DCBLD1: variants seen among roughly 807,000 people sequenced by gnomAD.
DCBLD1 encodes the protein discoidin, CUB and LCCL domain containing 1, also known as discoidin, CUB and LCCL domain-containing protein 1.
In DCBLD1, 57 loss-of-function variants were observed where a neutral mutation model predicts 71.5. That is an observed-to-expected ratio of 0.80 (90% CI 0.64 to 0.99). The LOEUF (loss-of-function observed/expected upper bound fraction) is 0.99. DCBLD1 is among the 50% of genes least tolerant of loss of function. DCBLD1 has a pLI of 0.00. For missense variants in DCBLD1, 891 were observed against 923.5 expected (o/e 0.96, Z 0.46); for synonymous variants, 380 against 363.8 (o/e 1.04, Z -0.51).
At chr6:117,538,067 A>T (rs1469914062) in intron 7 of DCBLD1, among the ~76,000 whole-genome samples, 1 of 152,174 alleles carries the variant, frequency 6.6e-6, no homozygotes, top group East Asian at 1.9e-4. Context: ...CTTAGCATAA[A>T]CCGTTTCAAG....
intron 1 of DCBLD1, among the ~76,000 whole-genome samples, chr6:117,500,677 T>A (rs1426648040): frequency 2.6e-5 from 4 of 152,086 alleles, no homozygotes; most frequent in African/African-American, 9.7e-5. Flanking sequence ...CCATCCTGGC[T>A]AACACGGTGA....
chr6:117,524,980 TATCC>T (rs1408526287), intron 4 of DCBLD1, among the ~76,000 whole-genome samples: 6 of 152,160 alleles, frequency 3.9e-5, no homozygotes, highest in Non-Finnish European at 8.8e-5. Context: ...TTGTCTTTTT[TATCC>T]ATAGAAAACA....
Position 117,538,567 on chromosome 6 carries a change from T to G in DCBLD1, c.761-53T>G. 3 of 1,549,526 alleles carry G rather than the reference T, an allele frequency of 1.9e-6. No individual in the cohort carries two copies. In the South Asian group the frequency reaches 3.5e-5, roughly 18 times the overall value. ...GTGAGATGTGGTACTACTTTTTTTT[T>G]TGCTGTTATTTTATGTCTGTATCTA... is the stretch of plus-strand genomic sequence containing the variant. On this transcript the variant is annotated intron_variant, in intron 7 of 14. Transcript: ENST00000338728.
At chr6:117,491,226 C>A (rs1177118239) in intron 1 of DCBLD1, among the ~76,000 whole-genome samples, 1 of 152,072 alleles carries the variant, frequency 6.6e-6, no homozygotes, top group Admixed American at 6.6e-5. Context: ...CCCATGGGAC[C>A]ACTGGAACAT....
At chr6:117,555,444 C>T (rs1050700930) in intron 14 of DCBLD1, among the ~76,000 whole-genome samples, 2 of 152,146 alleles carry the variant, frequency 1.3e-5, no homozygotes, top group South Asian at 4.1e-4. Context: ...AAAATGCCCT[C>T]AACCATGGTG....
chr6:117,541,443 CAA>C (rs1779094063), intron 11 of DCBLD1, among the ~76,000 whole-genome samples: 1 of 151,960 alleles, frequency 6.6e-6, no homozygotes, highest in African/African-American at 2.4e-5. Flanking sequence ...AAAGGAGAAA[CAA>C]AGAATAAATA....
intron 1 of DCBLD1, among the ~76,000 whole-genome samples, chr6:117,500,996 G>A (rs1185945260): frequency 1.4e-5 from 2 of 147,698 alleles, no homozygotes; most frequent in Non-Finnish European, 3.0e-5. Flanking sequence ...ACTGTTTTCT[G>A]AAAAAAAAAA....
Position 117,532,283 on chromosome 6 carries a change from C to T in DCBLD1, c.609C>T (p.Ala203=). The change falls in exon 6 of 15, where the codon GCC becomes GCT. Residue 203 remains alanine, a synonymous_variant. Coordinates refer to ENST00000338728, the MANE Select transcript of DCBLD1 (RefSeq NM_001366458.2). ...YRDTSLLCKA[A]IHAGIIADEL... is the part of the protein sequence containing the mutation. ...AGACCTCTTTATTGTGCAAAGCTGC[C>T]ATCCATGCAGGAATAATTGCTGATG... 1.9e-6 allele frequency: 3 copies of T among 1,611,174 alleles called. No individual in the cohort carries two copies. The East Asian group carries it at 6.7e-5, about 36-fold the overall frequency.
intron 11 of DCBLD1, among the ~76,000 whole-genome samples, chr6:117,542,088 T>TC (rs1332108236): frequency 1.8e-4 from 28 of 151,696 alleles, no homozygotes; most frequent in South Asian, 4.2e-4. Flanking sequence ...AGCTCAGGAG[T>TC]CCGAGACCAG....
At chr6:117,547,694 T>C (rs2114575723) in intron 14 of DCBLD1, 6 of 1,005,172 alleles carry the variant, frequency 6.0e-6, no homozygotes, top group Non-Finnish European at 9.2e-6. Context: ...GAGAAGACCC[T>C]GCGAAGCTTC....
intron 14 of DCBLD1, chr6:117,560,491 C>T (rs1779563399): frequency 5.2e-6 from 1 of 193,322 alleles, no homozygotes; most frequent in Non-Finnish European, 1.1e-5. Context: ...GTGCATCTTA[C>T]ACATGAATCA....
Position 117,482,909 on chromosome 6 carries a change from C to A in DCBLD1, c.112+16C>A. ...GAGGAGCTGGGTGAGTGGAGCGCGT[C>A]CGGCTGGCGGCGGGACCCGAGGCGC... On this transcript the variant is annotated intron_variant, in intron 1 of 14. Coordinates refer to ENST00000338728, the MANE Select transcript of DCBLD1 (RefSeq NM_001366458.2). 1 of 1,185,916 alleles carries A rather than the reference C, an allele frequency of 8.4e-7. No homozygotes were observed. Among genetic ancestry groups the A allele is most frequent in the Non-Finnish European group, 1.0e-6 (1 of 957,176 alleles). 73.5% of individuals were successfully genotyped at this position (1,185,916 alleles called of 1,614,324 possible).
At chr6:117,504,056 T>G (rs1401722847) in intron 2 of DCBLD1, 77 bp downstream of exon 2, 27 of 1,451,554 alleles carry the variant, frequency 1.9e-5, no homozygotes, top group Non-Finnish European at 2.4e-5. Flanking sequence ...GTGTGTTAAT[T>G]AACGCTATAT....
intron 5 of DCBLD1, among the ~76,000 whole-genome samples, chr6:117,528,882 C>A (rs528786463): frequency 1.1e-3 from 175 of 152,194 alleles, no homozygotes; most frequent in Non-Finnish European, 2.1e-3. Context: ...GTTCTGTCAC[C>A]CAGGCTGGAG....
At chr6:117,503,645 TGG>T in intron 1 of DCBLD1, 120 bp from the exon 2 acceptor site, 1 of 1,010,770 alleles carries the variant, frequency 9.9e-7, no homozygotes. Flanking sequence ...TTTTGTTTTT[TGG>T]TTTTCCTTCT....
intron 2 of DCBLD1, among the ~76,000 whole-genome samples, chr6:117,510,532 T>C (rs1777984645): frequency 6.6e-6 from 1 of 152,214 alleles, no homozygotes; most frequent in Non-Finnish European, 1.5e-5. Context: ...TTATTTTAGC[T>C]TCTCTGTCAG....
At chr6:117,490,431 A>AG (rs1445585674) in intron 1 of DCBLD1, among the ~76,000 whole-genome samples, 2 of 152,208 alleles carry the variant, frequency 1.3e-5, no homozygotes. Flanking sequence ...ATCTAATAGG[A>AG]AAGTGGAATT....
At chr6:117,506,750 A>G (rs1777857402) in intron 2 of DCBLD1, among the ~76,000 whole-genome samples, 1 of 152,228 alleles carries the variant, frequency 6.6e-6, no homozygotes, top group Non-Finnish European at 1.5e-5. Flanking sequence ...TGGCCACAGG[A>G]TCTGGCATGG....
intron 1 of DCBLD1, among the ~76,000 whole-genome samples, chr6:117,491,649 A>G (rs1777297439): frequency 6.6e-6 from 1 of 152,224 alleles, no homozygotes; most frequent in African/African-American, 2.4e-5. Flanking sequence ...TTCCCAAGCT[A>G]TCCTAAACAT....
Sources: gnomAD v4.1 joint callset for allele counts (sites outside exome capture counted in the v4.1 genomes callset) on GRCh38, gnomAD v4.1.1 for gene constraint, MANE v1.5 for transcripts, NCBI Gene and HGNC (gene_info 2026-07-23, HGNC 2026-07-21) for gene names.